PLCB1: variants seen among roughly 807,000 people sequenced by gnomAD.
PLCB1 encodes the protein 1-phosphatidylinositol 4,5-bisphosphate phosphodiesterase beta-1.
A neutral mutation model predicts 161.8 loss-of-function variants in PLCB1; 46 were observed. The ratio of observed to expected loss-of-function variants is 0.28; its 90% CI spans 0.22 to 0.36. PLCB1 has a LOEUF of 0.36. Ranked by LOEUF, PLCB1 falls within the 10% of genes least tolerant of loss-of-function variation. The pLI is 1.00. For synonymous variants in PLCB1, 517 were observed against 503.7 expected (o/e 1.03, Z -0.35); for missense variants, 1,016 against 1,472.5 (o/e 0.69, Z 5.07).
At chr20:8,158,830 C>T (rs557479333) in intron 2 of PLCB1, among the ~76,000 whole-genome samples, 35 of 152,306 alleles carry the variant, frequency 2.3e-4, no homozygotes, top group South Asian at 2.3e-3. Context: ...CCTTTGACTC[C>T]GTGTCTCACA....
intron 2 of PLCB1, among the ~76,000 whole-genome samples, chr20:8,185,099 T>C (rs996626659): frequency 6.6e-6 from 1 of 152,136 alleles, no homozygotes; most frequent in Admixed American, 6.5e-5. Context: ...GCTTCATCCA[T>C]GTCCCTGCAA....
At chr20:8,455,658 C>G (rs1981282905) in intron 3 of PLCB1, among the ~76,000 whole-genome samples, 1 of 151,800 alleles carries the variant, frequency 6.6e-6, no homozygotes, top group African/African-American at 2.4e-5. Flanking sequence ...AGTATTCTTC[C>G]TCTTCTAAGT....
chr20:8,228,914 T>G (rs893823709), intron 2 of PLCB1, among the ~76,000 whole-genome samples: 8 of 152,244 alleles, frequency 5.3e-5, no homozygotes, highest in Middle Eastern at 3.4e-3. Flanking sequence ...AAATCCTGTC[T>G]TATATATATT....
chr20:8,262,878 G>T (rs1278600327), intron 2 of PLCB1, among the ~76,000 whole-genome samples: 1 of 150,244 alleles, frequency 6.7e-6, no homozygotes, highest in Non-Finnish European at 1.5e-5. Context: ...GAGAGAGAGA[G>T]AAAGATTCGT....
intron 1 of PLCB1, among the ~76,000 whole-genome samples, chr20:8,137,400 A>G (rs893916054): frequency 2.6e-5 from 4 of 152,192 alleles, no homozygotes; most frequent in African/African-American, 9.7e-5. Flanking sequence ...ATGTGGATGG[A>G]GCAACTACAA....
At chr20:8,143,138 C>T (rs2051420794) in intron 1 of PLCB1, among the ~76,000 whole-genome samples, 1 of 152,096 alleles carries the variant, frequency 6.6e-6, no homozygotes, top group Non-Finnish European at 1.5e-5. Flanking sequence ...CACAATGTTC[C>T]CCAGTCCCTT....
intron 2 of PLCB1, among the ~76,000 whole-genome samples, chr20:8,237,080 T>C (rs890196892): frequency 5.3e-5 from 8 of 152,024 alleles, no homozygotes; most frequent in Admixed American, 2.6e-4. Flanking sequence ...AGCATGAAAG[T>C]CCTCAAGCCC....
At chr20:8,636,289 C>G (rs1209725897) in intron 4 of PLCB1, among the ~76,000 whole-genome samples, 2 of 152,114 alleles carry the variant, frequency 1.3e-5, no homozygotes, top group Admixed American at 1.3e-4. Context: ...AAAAAAAATG[C>G]CTGTGTCATC....
intron 3 of PLCB1, among the ~76,000 whole-genome samples, chr20:8,538,979 G>A (rs1985166736): frequency 6.6e-6 from 1 of 151,846 alleles, no homozygotes; most frequent in Non-Finnish European, 1.5e-5. Flanking sequence ...TTTCAGTAGA[G>A]ACAGGGTTTC....
At chr20:8,191,587 T>G (rs2051971779) in intron 2 of PLCB1, among the ~76,000 whole-genome samples, 1 of 152,016 alleles carries the variant, frequency 6.6e-6, no homozygotes, top group Non-Finnish European at 1.5e-5. Flanking sequence ...TGGTGTATGA[T>G]TTTAATATGT....
Position 8,498,071 on chromosome 20 carries a change from A to G in PLCB1, c.246+126621A>G, listed in dbSNP as rs560685466. The stretch of plus-strand genomic sequence containing the variant: ...AAGTGTATTCCTATAGCCAATAGCC[A>G]AGAATCAAAATATGCCTTTATGGGT... On this transcript the variant is annotated intron_variant, in intron 3 of 31. Coordinates refer to ENST00000338037, the MANE Select transcript of PLCB1 (RefSeq NM_015192.4). 2.6e-5 allele frequency among the ~76,000 whole-genome samples: 4 copies of G among 152,316 alleles called. No homozygotes were observed. The East Asian group carries it at 7.7e-4, about 29-fold the overall frequency.
At chr20:8,518,200 T>C (rs1476514552) in intron 3 of PLCB1, among the ~76,000 whole-genome samples, 2 of 151,858 alleles carry the variant, frequency 1.3e-5, no homozygotes, top group Non-Finnish European at 2.9e-5. Context: ...AAAATTATCC[T>C]ATTTTATTTG....
At chr20:8,369,451 G>C (rs552281407) in intron 2 of PLCB1, among the ~76,000 whole-genome samples, 30 of 152,300 alleles carry the variant, frequency 2.0e-4, no homozygotes, top group African/African-American at 7.0e-4. Flanking sequence ...AAGAAACCTG[G>C]ACATATGCTT....
At chr20:8,622,015 T>C (rs1342793922) in intron 3 of PLCB1, among the ~76,000 whole-genome samples, 1 of 152,148 alleles carries the variant, frequency 6.6e-6, no homozygotes, top group East Asian at 1.9e-4. Flanking sequence ...GTCAGCACTT[T>C]GGGAGGCCGA....
chr20:8,757,675 A>G (rs963371727), intron 24 of PLCB1, among the ~76,000 whole-genome samples: 2 of 152,090 alleles, frequency 1.3e-5, no homozygotes, highest in African/African-American at 2.4e-5. Context: ...AGTAGATTCT[A>G]TTATTGTCCC....
intron 3 of PLCB1, among the ~76,000 whole-genome samples, chr20:8,613,496 G>A (rs1273756822): frequency 2.0e-5 from 3 of 152,142 alleles, no homozygotes; most frequent in African/African-American, 7.2e-5. Flanking sequence ...AAATTCAGAA[G>A]ACAGTCTAAT....
intron 2 of PLCB1, among the ~76,000 whole-genome samples, chr20:8,287,775 G>A (rs903061232): frequency 4.6e-5 from 7 of 152,040 alleles, no homozygotes; most frequent in East Asian, 1.9e-4. Context: ...CTGCATTAAC[G>A]CCTCCTAAAG....
intron 3 of PLCB1, among the ~76,000 whole-genome samples, chr20:8,536,559 G>C (rs900665635): frequency 3.3e-5 from 5 of 152,170 alleles, no homozygotes; most frequent in Admixed American, 6.5e-5. Context: ...GGTTGAAGCT[G>C]AAGTCATCTG....
intron 3 of PLCB1, among the ~76,000 whole-genome samples, chr20:8,484,609 G>A (rs149338275): frequency 2.6e-5 from 4 of 151,856 alleles, no homozygotes; most frequent in African/African-American, 7.2e-5. Flanking sequence ...TGATCCTCCC[G>A]AAGTGCTGGG....
Sources: gnomAD v4.1 joint callset for allele counts (sites outside exome capture counted in the v4.1 genomes callset) on GRCh38, gnomAD v4.1.1 for gene constraint, MANE v1.5 for transcripts, NCBI Gene and HGNC (gene_info 2026-07-23, HGNC 2026-07-21) for gene names.